PBK: variants seen among roughly 807,000 people sequenced by gnomAD.
The protein encoded by PBK is PDZ binding kinase.
In PBK, 22 loss-of-function variants were observed where a neutral mutation model predicts 33.5. The observed-to-expected ratio is 0.66, with a 90% CI of 0.47 to 0.94. PBK has a LOEUF of 0.94. Among genes scored for constraint, PBK ranks in the 40% least tolerant of loss-of-function variants. PBK has a pLI of 0.00. For synonymous variants in PBK, 129 were observed against 123.8 expected (o/e 1.04, Z -0.28); for missense variants, 376 against 383.4 (o/e 0.98, Z 0.16).
intron 6 of PBK, among the ~76,000 whole-genome samples, chr8:27,819,322 A>AT (rs1457349261): frequency 8.2e-6 from 1 of 122,508 alleles, no homozygotes; most frequent in East Asian, 3.2e-4. Flanking sequence ...TTTCAGTTGA[A>AT]TATTCAACTT....
intron 6 of PBK, among the ~76,000 whole-genome samples, chr8:27,813,922 G>GTTTA (rs147015029): frequency 0.13 from 19,886 of 151,886 alleles, 1,507 homozygotes; most frequent in East Asian, 0.23. Context: ...TTTCTTATCA[G>GTTTA]TTTATTTTTC....
Position 27,813,322 on chromosome 8 carries a change from G to A in PBK, c.596-2188C>T, listed in dbSNP as rs141151511. 2.4e-3 allele frequency among the ~76,000 whole-genome samples: 362 copies of A among 152,222 alleles called. 15 individuals are homozygous for A. In the East Asian group the frequency reaches 0.058, roughly 24 times the overall value. On this transcript the variant is annotated intron_variant, in intron 6 of 7. Transcript: ENST00000301905. ...ATCACACCCTGGGGCCTGTCATGGGGTAGGGGGGAGGGATAGCATTAGGAG... is the reference window on the plus strand; with the variant it reads ...ATCACACCCTGGGGCCTGTCATGGGATAGGGGGGAGGGATAGCATTAGGAG...
Position 27,837,724 on chromosome 8 carries a change from T to C in PBK, c.-93A>G, listed in dbSNP as rs1806254555. On this transcript the variant is annotated 5_prime_UTR_variant, in exon 1 of 8. Coordinates refer to ENST00000301905, the MANE Select transcript of PBK (RefSeq NM_018492.4). The stretch of plus-strand genomic sequence containing the variant: ...TGGCCAAGTACCTCTTCAAAATTGG[T>C]CCCGAGCGGCCCCCAGCGAGACCCT... 1 of 152,152 alleles carries C rather than the reference T, an allele frequency of 6.6e-6. No homozygotes were observed. The highest frequency in any genetic ancestry group is 1.5e-5 in the Non-Finnish European group (1 of 68,088). The allele number at this position is 152,152 out of a possible 1,614,324, so 9.4% of individuals were successfully genotyped here.
chr8:27,811,720 TG>T (rs1247565822), intron 6 of PBK, among the ~76,000 whole-genome samples: 1 of 152,224 alleles, frequency 6.6e-6, no homozygotes, highest in Admixed American at 6.5e-5. Flanking sequence ...ACTAAATCTC[TG>T]GATCAATTTA....
chr8:27,836,322 A>G (rs1585439020), intron 1 of PBK, among the ~76,000 whole-genome samples: 1 of 152,124 alleles, frequency 6.6e-6, no homozygotes, highest in Non-Finnish European at 1.5e-5. Context: ...CAAGTAGAGC[A>G]TTGTAGCCAC....
chr8:27,823,241 A>T (rs1805965585), intron 3 of PBK, 36 bp from the exon 4 acceptor site: 2 of 1,317,048 alleles, frequency 1.5e-6, no homozygotes, highest in Non-Finnish European at 2.1e-6. Context: ...GATAGAAAAC[A>T]ATAAAACCAC....
At chr8:27,815,671 T>C (rs1805797024) in intron 6 of PBK, among the ~76,000 whole-genome samples, 1 of 152,208 alleles carries the variant, frequency 6.6e-6, no homozygotes, top group Non-Finnish European at 1.5e-5. Context: ...TCCATCAGGC[T>C]AAAAAGTAGT....
chr8:27,826,751 G>A lies in PBK; in HGVS notation c.152+1354C>T, dbSNP rs536918992. On this transcript the variant is annotated intron_variant, in intron 3 of 7. Transcript: ENST00000301905. Reference sequence around the variant, plus strand: ...GCGGAGCTTGCAGTGAGCCGAGATCGCGCCACTGCACTCCAGCCTGGGCGA... The same window carrying A: ...GCGGAGCTTGCAGTGAGCCGAGATCACGCCACTGCACTCCAGCCTGGGCGA... 2.4e-4 allele frequency among the ~76,000 whole-genome samples: 25 copies of A among 104,342 alleles called. 4 individuals carry two copies. In the East Asian group the frequency reaches 6.5e-3, roughly 27 times the overall value. The allele number at this position is 104,342 out of a possible 152,430, so 68.5% of individuals were successfully genotyped here.
intron 3 of PBK, among the ~76,000 whole-genome samples, chr8:27,826,072 A>T (rs1806018830): frequency 6.6e-6 from 1 of 152,242 alleles, no homozygotes; most frequent in African/African-American, 2.4e-5. Flanking sequence ...AGGATCCAGG[A>T]CAGTGGGGGG....
intron 2 of PBK, among the ~76,000 whole-genome samples, chr8:27,828,744 C>CAAAAAAAAA (rs34388320): frequency 3.6e-5 from 3 of 82,604 alleles, no homozygotes; most frequent in African/African-American, 4.7e-5. Context: ...GACACAGTCT[C>CAAAAAAAAA]AAAAAAAAAA....
chr8:27,827,929 G>A (rs1157392404), intron 3 of PBK, among the ~76,000 whole-genome samples, 176 bp downstream of exon 3: 1 of 152,208 alleles, frequency 6.6e-6, no homozygotes, highest in Non-Finnish European at 1.5e-5. Flanking sequence ...GAAAAGCAGA[G>A]GCAGAGCTAC....
chr8:27,810,514 A>G lies in PBK; in HGVS notation c.773-13T>C. On this transcript the variant is annotated splice_polypyrimidine_tract_variant and intron_variant, in intron 7 of 7. Transcript: ENST00000301905. ...TCAAAAGTTTTATCTTGAAGGAGTT[A>G]GAGATTGAAACAATAAACAAAATCA... The G allele has an allele frequency of 1.3e-6, 2 of 1,521,474 alleles. No homozygotes were observed. Among genetic ancestry groups the G allele is most frequent in the East Asian group, 2.3e-5 (1 of 44,398 alleles). 94.2% of individuals were successfully genotyped at this position (1,521,474 alleles called of 1,614,324 possible).
chr8:27,821,025 T>C (rs1163899217), intron 5 of PBK, among the ~76,000 whole-genome samples: 3 of 151,854 alleles, frequency 2.0e-5, no homozygotes, highest in African/African-American at 4.8e-5. Context: ...GGTTTCACCA[T>C]GTTGACCAGG....
intron 1 of PBK, among the ~76,000 whole-genome samples, chr8:27,836,355 T>A (rs1806228214): frequency 6.6e-6 from 1 of 151,930 alleles, no homozygotes; most frequent in Non-Finnish European, 1.5e-5. Context: ...TCTACTCAAC[T>A]GTAGTCACAG....
At position 27,818,847 on chromosome 8, in the gene PBK, A is replaced by C. The variant is rs551057224; in HGVS notation, c.595+1718T>G. ...CAACATTAAAGAACTATTTATCTAC[A>C]ATTTTTTCTACTGTTACTTTTTCCC... is the stretch of plus-strand genomic sequence containing the variant. On this transcript the variant is annotated intron_variant, in intron 6 of 7. Coordinates refer to ENST00000301905, the MANE Select transcript of PBK (RefSeq NM_018492.4). Among the ~76,000 whole-genome samples the C allele has an allele frequency of 4.5e-4, 69 of 152,230 alleles. 1 individual carries two copies. The South Asian group carries it at 0.014, about 31-fold the overall frequency.
Position 27,810,947 on chromosome 8 carries a change from T to C in PBK, c.772+11A>G, listed in dbSNP as rs763866978. ...AGAGATTGGGATTTATGTTAGAAAT[T>C]GTATTCATACCTTCATCATCATCAT... On this transcript the variant is annotated intron_variant, in intron 7 of 7. Coordinates refer to ENST00000301905, the MANE Select transcript of PBK (RefSeq NM_018492.4). 4 of 1,476,236 alleles carry C rather than the reference T, an allele frequency of 2.7e-6. No individual in the cohort carries two copies. In the African/African-American group the frequency reaches 4.2e-5, roughly 15 times the overall value. The allele number at this position is 1,476,236 out of a possible 1,614,324, so 91.4% of individuals were successfully genotyped here.
rs747168583 is a variant in PBK, at chr8:27,820,619, T to C, written c.541A>G (p.Thr181Ala). Reference protein sequence around the residue: ...SNVVIKGDFETIKICDVGVSL... With the variant: ...SNVVIKGDFEAIKICDVGVSL... ...ACTCCTACATCACAGATTTTAATTG[T>C]TTCAAAATCGCCTTTAATTACAACA... is the stretch of plus-strand genomic sequence containing the variant. Residue 181 changes from threonine to alanine, a missense_variant, in exon 6 of 8, where the codon ACA (threonine) becomes GCA (alanine). By Grantham distance (58) the Thr-to-Ala change is moderately conservative. Coordinates refer to ENST00000301905, the MANE Select transcript of PBK (RefSeq NM_018492.4). 52 of 1,567,054 alleles carry C rather than the reference T, an allele frequency of 3.3e-5. No homozygotes were observed. The highest frequency in any genetic ancestry group is 1.3e-4 in the Admixed American group (8 of 59,556).
chr8:27,817,493 GATT>G (rs1196472930), intron 6 of PBK, among the ~76,000 whole-genome samples: 12 of 151,632 alleles, frequency 7.9e-5, no homozygotes, highest in Admixed American at 1.3e-4. Flanking sequence ...CTTTTATTAG[GATT>G]ATTAACTGTT....
At chr8:27,837,605 C>T (rs961568140) in intron 1 of PBK, 47 bp downstream of exon 1, 4 of 152,242 alleles carry the variant, frequency 2.6e-5, no homozygotes, top group Admixed American at 6.5e-5. Flanking sequence ...GGCCTCGGCT[C>T]CGGGCTCGGC....
Sources: allele counts gnomAD v4.1 joint callset (sites outside exome capture counted in the v4.1 genomes callset), GRCh38; gene constraint gnomAD v4.1.1; transcripts MANE v1.5; gene names NCBI Gene and HGNC (gene_info 2026-07-23, HGNC 2026-07-21).